The following PSD3 variants were observed in gnomAD, a reference collection of about 807,000 sequenced individuals.
PSD3 encodes the protein pleckstrin and Sec7 domain containing 3, also known as PH and SEC7 domain-containing protein 3.
In PSD3, 49 loss-of-function variants were observed where a neutral mutation model predicts 105.5. That is an observed-to-expected ratio of 0.46 (90% CI 0.37 to 0.59). The LOEUF is 0.59. PSD3 is among the 20% of genes least tolerant of loss of function. PSD3 has a pLI of 0.00. For synonymous variants in PSD3, 557 were observed against 457.8 expected (o/e 1.22, Z -2.77); for missense variants, 1,561 against 1,263.8 (o/e 1.24, Z -3.57).
chr8:18,567,624 A>C (rs1159399242), intron 14 of PSD3, among the ~76,000 whole-genome samples: 1 of 152,196 alleles, frequency 6.6e-6, no homozygotes, highest in African/African-American at 2.4e-5. Flanking sequence ...TAAAAACAGA[A>C]GAATCTTTCC....
At chr8:18,543,203 G>A (rs1474030489) in intron 15 of PSD3, among the ~76,000 whole-genome samples, 1 of 152,080 alleles carries the variant, frequency 6.6e-6, no homozygotes, top group Non-Finnish European at 1.5e-5. Flanking sequence ...CAACTCAAGT[G>A]TTTAATGGCG....
chr8:18,768,026 T>G (rs1807171015), intron 8 of PSD3, among the ~76,000 whole-genome samples: 3 of 147,276 alleles, frequency 2.0e-5, no homozygotes, highest in South Asian at 2.1e-4. Context: ...ATCCCAGCAC[T>G]TTGGGAGGCC....
chr8:18,767,992 C>T (rs1008646708), intron 8 of PSD3, among the ~76,000 whole-genome samples: 3 of 151,182 alleles, frequency 2.0e-5, no homozygotes, highest in Non-Finnish European at 4.4e-5. Flanking sequence ...TAGCAGAGGC[C>T]GGGCGCGGTG....
chr8:19,000,983 A>C (rs1826349502), intron 1 of PSD3: 1 of 151,994 alleles, frequency 6.6e-6, no homozygotes, highest in Admixed American at 6.6e-5. Flanking sequence ...AAGGTGCTCA[A>C]ATCTCTTATA....
intron 1 of PSD3, among the ~76,000 whole-genome samples, chr8:18,938,834 A>G (rs1822331476): frequency 6.6e-6 from 1 of 152,184 alleles, no homozygotes; most frequent in Non-Finnish European, 1.5e-5. Context: ...TAACTTTTCC[A>G]AAGATATATA....
chr8:18,812,643 C>G (rs1032050292), intron 4 of PSD3, among the ~76,000 whole-genome samples: 3 of 152,070 alleles, frequency 2.0e-5, no homozygotes, highest in Non-Finnish European at 2.9e-5. Flanking sequence ...TACCATCGAC[C>G]AAGACATGAA....
chr8:19,032,846 G>A (rs1015487702), intron 1 of PSD3, among the ~76,000 whole-genome samples: 3 of 152,048 alleles, frequency 2.0e-5, no homozygotes, highest in African/African-American at 7.2e-5. Context: ...AGTTGAATAT[G>A]CTCATATTAT....
intron 1 of PSD3, among the ~76,000 whole-genome samples, chr8:19,067,464 G>C (rs1465665579): frequency 1.3e-5 from 2 of 152,128 alleles, no homozygotes; most frequent in African/African-American, 4.8e-5. Context: ...ACAGCCCTTG[G>C]ACTCTGACCA....
intron 4 of PSD3, among the ~76,000 whole-genome samples, chr8:18,850,333 T>A (rs1402031573): frequency 6.6e-6 from 1 of 152,244 alleles, no homozygotes; most frequent in Non-Finnish European, 1.5e-5. Context: ...CCTTTCTCCC[T>A]GGCTCCTTTC....
intron 9 of PSD3, among the ~76,000 whole-genome samples, chr8:18,708,608 A>C (rs1296723713): frequency 6.6e-6 from 1 of 152,148 alleles, no homozygotes; most frequent in East Asian, 1.9e-4. Context: ...GTCATGACCC[A>C]GTACATAAAA....
At chr8:18,660,602 A>C (rs77774403) in intron 9 of PSD3, among the ~76,000 whole-genome samples, 3,610 of 152,302 alleles carry the variant, frequency 0.024, 109 homozygotes, top group East Asian at 0.13. Flanking sequence ...ACAGTGCACA[A>C]GAAAATCAAC....
chr8:18,998,830 T>TATA (rs3042940), intron 1 of PSD3, among the ~76,000 whole-genome samples: 121,767 of 151,518 alleles, frequency 0.8, 50,119 homozygotes, highest in East Asian at 0.95. Flanking sequence ...ACTTTATAGT[T>TATA]ATGATACATA....
chr8:18,595,474 G>T (rs1418010383), intron 12 of PSD3, among the ~76,000 whole-genome samples: 1 of 147,384 alleles, frequency 6.8e-6, no homozygotes, highest in African/African-American at 2.5e-5. Context: ...GAGACAGACG[G>T]AGGGAGGGAC....
chr8:19,065,736 G>C (rs905757263), intron 1 of PSD3, among the ~76,000 whole-genome samples: 17 of 152,258 alleles, frequency 1.1e-4, no homozygotes, highest in Middle Eastern at 3.4e-3. Flanking sequence ...TCCAGAAGTT[G>C]CTCAAGCCCT....
chr8:19,068,239 A>T (rs541177543), intron 1 of PSD3, among the ~76,000 whole-genome samples: 182 of 74,108 alleles, frequency 2.5e-3, no homozygotes, highest in East Asian at 5.4e-3. Flanking sequence ...TGAGGATTTT[A>T]AAAAAAAATA....
At chr8:18,756,837 A>C (rs970741063) in intron 9 of PSD3, among the ~76,000 whole-genome samples, 1 of 148,974 alleles carries the variant, frequency 6.7e-6, no homozygotes, top group African/African-American at 2.4e-5. Flanking sequence ...GCACAAAGTG[A>C]AATGATCACC....
intron 1 of PSD3, among the ~76,000 whole-genome samples, chr8:19,077,138 C>G (rs956852355): frequency 6.6e-5 from 10 of 152,274 alleles, no homozygotes; most frequent in African/African-American, 2.2e-4. Flanking sequence ...TGAGATATCT[C>G]TGACCTGAGA....
chr8:18,818,218 G>A (rs1338617279), intron 4 of PSD3, among the ~76,000 whole-genome samples: 1 of 152,178 alleles, frequency 6.6e-6, no homozygotes, highest in African/African-American at 2.4e-5. Context: ...GCCTCCCAAA[G>A]TGCTTGGATT....
chr8:18,562,645 T>C (rs1801465811), intron 14 of PSD3, among the ~76,000 whole-genome samples: 1 of 152,128 alleles, frequency 6.6e-6, no homozygotes, highest in Non-Finnish European at 1.5e-5. Context: ...TCCTAGCACT[T>C]TAAGAGGCTG....
Sources: gnomAD v4.1 joint callset for allele counts (sites outside exome capture counted in the v4.1 genomes callset) on GRCh38, gnomAD v4.1.1 for gene constraint, MANE v1.5 for transcripts, NCBI Gene and HGNC (gene_info 2026-07-23, HGNC 2026-07-21) for gene names.